KCNMB3: variants seen among roughly 807,000 people sequenced by gnomAD.
The protein encoded by KCNMB3 is potassium calcium-activated channel subfamily M regulatory beta subunit 3, also known as calcium-activated potassium channel subunit beta-3.
Under a neutral mutation model 11.9 loss-of-function variants are expected in KCNMB3, and 18 were observed. The ratio of observed to expected loss-of-function variants is 1.51; its 90% CI spans 1.04 to 2.23. The LOEUF is 2.23. Among genes scored for constraint, KCNMB3 ranks in the 30% most tolerant of loss-of-function variants. The pLI, the probability that KCNMB3 is intolerant of heterozygous loss-of-function variation, is 0.00. For synonymous variants in KCNMB3, 78 were observed against 119.2 expected (o/e 0.65, Z 2.25); for missense variants, 247 against 329.4 (o/e 0.75, Z 1.94).
At chr3:179,257,478 T>C (rs1177534527) in intron 1 of KCNMB3, among the ~76,000 whole-genome samples, 2 of 152,198 alleles carry the variant, frequency 1.3e-5, no homozygotes, top group Non-Finnish European at 2.9e-5. Context: ...TGTTTCTTTA[T>C]ATAGAAAACA....
At chr3:179,260,341 C>T in intron 1 of KCNMB3, 1 of 1,614,010 alleles carries the variant, frequency 6.2e-7, no homozygotes, top group Non-Finnish European at 8.5e-7. Flanking sequence ...ACCTGTTCCT[C>T]ATAGGTAGCA....
chr3:179,250,917 G>A lies in KCNMB3; in HGVS notation c.74C>T (p.Ser25Leu). The change falls in exon 1 of 3, where the codon TCA (serine) becomes TTA (leucine). Residue 25 changes from serine (S) to leucine (L), a missense_variant. Around this residue, in one of 2 missense-constraint regions of KCNMB3, gnomAD observed 160 missense variants for 157.5 expected, o/e 1.02. Coordinates refer to ENST00000392685, the MANE Select transcript of KCNMB3 (RefSeq NM_171830.2). Reference sequence around the variant, plus strand: ...GTAGTCTGTCTCTCTCTTCTTCCCTGAGGCAGGAAAGGCTGTCCTTTGGGG... The same window carrying A: ...GTAGTCTGTCTCTCTCTTCTTCCCTAAGGCAGGAAAGGCTGTCCTTTGGGG... ...PFPQRTAFPASGKKRETDYSD... is the reference protein window; with the variant it reads ...PFPQRTAFPALGKKRETDYSD... 2 of 1,614,102 alleles carry A rather than the reference G, an allele frequency of 1.2e-6. No individual in the cohort carries two copies. Among genetic ancestry groups the A allele is most frequent in the Non-Finnish European group, 1.7e-6 (2 of 1,180,038 alleles).
intron 1 of KCNMB3, among the ~76,000 whole-genome samples, chr3:179,247,623 A>G (rs988386978): frequency 1.3e-5 from 2 of 152,220 alleles, no homozygotes; most frequent in Non-Finnish European, 2.9e-5. Flanking sequence ...GCAATGAAGG[A>G]AACACAACCA....
upstream of KCNMB3, among the ~76,000 whole-genome samples, chr3:179,252,324 C>T (rs1222890593): frequency 1.3e-5 from 2 of 152,158 alleles, no homozygotes; most frequent in Non-Finnish European, 2.9e-5. Context: ...AAATGCAGCA[C>T]TAATGGTAGA....
chr3:179,261,272 A>G, intron 1 of KCNMB3: 1 of 1,306,176 alleles, frequency 7.7e-7, no homozygotes, highest in Non-Finnish European at 9.9e-7. Flanking sequence ...GGGGCTGGTC[A>G]ACCTGCTGGG....
chr3:179,252,685 C>G (rs1725884862), upstream of KCNMB3, among the ~76,000 whole-genome samples: 1 of 151,166 alleles, frequency 6.6e-6, no homozygotes, highest in Admixed American at 6.6e-5. Flanking sequence ...ATCCTACCAC[C>G]AGAGAAGGGG....
chr3:179,253,561 T>C (rs544215419), upstream of KCNMB3, among the ~76,000 whole-genome samples: 10 of 152,310 alleles, frequency 6.6e-5, no homozygotes, highest in East Asian at 1.9e-3. Flanking sequence ...ATCCCAGCAC[T>C]TTGGGAGGCC....
At chr3:179,242,669 CAG>C (rs545976483), downstream of KCNMB3, 339 of 624,304 alleles carry the variant, frequency 5.4e-4, 3 homozygotes, top group South Asian at 0.011. Flanking sequence ...GGAAAAAAAA[CAG>C]TGCTTCCTTA....
At chr3:179,258,038 C>A (rs1726078086) in intron 1 of KCNMB3, among the ~76,000 whole-genome samples, 1 of 152,148 alleles carries the variant, frequency 6.6e-6, no homozygotes, top group African/African-American at 2.4e-5. Context: ...GCGCCCACCA[C>A]CACGCCTGGC....
intron 1 of KCNMB3, among the ~76,000 whole-genome samples, chr3:179,258,086 A>C (rs963094406): frequency 6.6e-6 from 1 of 152,000 alleles, no homozygotes; most frequent in African/African-American, 2.4e-5. Flanking sequence ...GGGTTTCACC[A>C]TGTTGGCCAG....
downstream of KCNMB3, chr3:179,240,710 T>G (rs1725433148): frequency 6.6e-6 from 1 of 152,154 alleles, no homozygotes; most frequent in African/African-American, 2.4e-5. Context: ...ATCAGGTAGC[T>G]CCTATCTAAA....
At chr3:179,262,276 AT>A (rs1726238588) in intron 1 of KCNMB3, among the ~76,000 whole-genome samples, 1 of 152,248 alleles carries the variant, frequency 6.6e-6, no homozygotes, top group Non-Finnish European at 1.5e-5. Flanking sequence ...TGTATGGAAC[AT>A]TTATGAAACT....
At chr3:179,262,223 T>C (rs1726236806) in intron 1 of KCNMB3, among the ~76,000 whole-genome samples, 1 of 152,240 alleles carries the variant, frequency 6.6e-6, no homozygotes, top group Non-Finnish European at 1.5e-5. Flanking sequence ...AAATGATAAA[T>C]ATAGAATACT....
At chr3:179,259,770 T>G (rs1726143743) in intron 1 of KCNMB3, 1 of 1,601,580 alleles carries the variant, frequency 6.2e-7, no homozygotes, top group African/African-American at 1.4e-5. Flanking sequence ...TGCCTCTCCC[T>G]GTTGGTCATT....
chr3:179,264,659 C>T (rs1315633033), intron 1 of KCNMB3, among the ~76,000 whole-genome samples: 3 of 152,196 alleles, frequency 2.0e-5, no homozygotes, highest in Non-Finnish European at 4.4e-5. Context: ...AACACACTCA[C>T]CTGGGTGTGA....
At chr3:179,260,469 T>C in intron 1 of KCNMB3, 1 of 1,613,242 alleles carries the variant, frequency 6.2e-7, no homozygotes. Flanking sequence ...CTCTGTGTGT[T>C]GTTCTTTCTC....
rs372618559 is a variant in KCNMB3 at position 179,244,675 on chromosome 3, C to T, written c.267G>A (p.Ser89=). ...TATCTGTGTGGATGGCAGTGCAGGT[C>T]GATTCTTCTCTCTGAATGCTTCAAT... ...PFMLSIQREE[S]TCTAIHTDIM... The change falls in exon 2 of 3, where the codon TCG becomes TCA. Residue 89 remains serine, a synonymous_variant. Transcript: ENST00000392685. 6 of 1,612,604 alleles carry T rather than the reference C, an allele frequency of 3.7e-6. No individual in the cohort carries two copies. In the East Asian group the frequency reaches 6.7e-5, roughly 18 times the overall value.
In KCNMB3 at chr3:179,248,527, C is replaced by T. The variant is rs139606282; in HGVS notation, c.248+2216G>A. Among the ~76,000 whole-genome samples, 340 of 152,044 alleles carry T rather than the reference C, an allele frequency of 2.2e-3. 2 individuals carry two copies. Among genetic ancestry groups the T allele is most frequent in the African/African-American group, 8.0e-3 (330 of 41,482 alleles). ...AGGATGACTTGAGCTTAGGAGTTCA[C>T]GACCAGCCTGGGCAACATAGGGGGA... On this transcript the variant is annotated intron_variant, in intron 1 of 2. Coordinates refer to ENST00000392685, the MANE Select transcript of KCNMB3 (RefSeq NM_171830.2).
chr3:179,256,057 C>G (rs1265716727), upstream of KCNMB3, among the ~76,000 whole-genome samples: 1 of 152,146 alleles, frequency 6.6e-6, no homozygotes, highest in Non-Finnish European at 1.5e-5. Flanking sequence ...AGTATTTACT[C>G]AAGGCAGAAC....
Sources: allele counts gnomAD v4.1 joint callset (sites outside exome capture counted in the v4.1 genomes callset), GRCh38; gene constraint gnomAD v4.1.1; regional missense constraint gnomAD v4.1.1; transcripts MANE v1.5; gene names NCBI Gene and HGNC (gene_info 2026-07-23, HGNC 2026-07-21).